TUBB3: variants seen among roughly 807,000 people sequenced by gnomAD.
The protein encoded by TUBB3 is tubulin beta 3 class III, also known as tubulin beta-3 chain.
TUBB3 carries 17 observed loss-of-function variants against 37.8 expected under a neutral mutation model. That is an observed-to-expected ratio of 0.45 (90% CI 0.31 to 0.67). The LOEUF (loss-of-function observed/expected upper bound fraction) is 0.67, where lower values mean the gene tolerates loss of function less well. Ranked by LOEUF, TUBB3 falls within the 30% of genes least tolerant of loss-of-function variation. The pLI is 0.07. For missense variants in TUBB3, 262 were observed against 657.9 expected, an observed-to-expected ratio of 0.40 and a Z score of 6.58; for synonymous variants, 332 against 278.9, an observed-to-expected ratio of 1.19 and a Z score of -1.90.
chr16:89,934,129 C>T (rs186542844), intron 3 of TUBB3: 20 of 318,244 alleles, frequency 6.3e-5, no homozygotes, highest in African/African-American at 6.1e-4. Context: ...CGTTCCCACG[C>T]CTGTGTCCTG....
At chr16:89,929,473 G>C (rs2030205437) in intron 1 of TUBB3, among the ~76,000 whole-genome samples, 1 of 152,156 alleles carries the variant, frequency 6.6e-6, no homozygotes, top group African/African-American at 2.4e-5. Flanking sequence ...CCATGTCCAT[G>C]CTGTCCGCGT....
intron 1 of TUBB3, among the ~76,000 whole-genome samples, chr16:89,923,857 G>A (rs1304776921): frequency 6.6e-6 from 1 of 152,110 alleles, no homozygotes; most frequent in African/African-American, 2.4e-5. Context: ...TGGGTGGGGT[G>A]GGGGGTTCTC....
At chr16:89,927,134 G>C (rs2030114751) in intron 1 of TUBB3, among the ~76,000 whole-genome samples, 1 of 152,052 alleles carries the variant, frequency 6.6e-6, no homozygotes, top group African/African-American at 2.4e-5. Flanking sequence ...CAGCACTTTG[G>C]GAGGCCGAGG....
chr16:89,924,549 T>A (rs1403676282), intron 1 of TUBB3, among the ~76,000 whole-genome samples: 1 of 150,666 alleles, frequency 6.6e-6, no homozygotes, highest in African/African-American at 2.4e-5. Flanking sequence ...AAGGAGGGGG[T>A]GCAGGAGACG....
intron 1 of TUBB3, among the ~76,000 whole-genome samples, chr16:89,925,044 T>C: frequency 6.6e-6 from 1 of 152,036 alleles, no homozygotes; most frequent in East Asian, 1.9e-4. Flanking sequence ...GGGTTTCTCC[T>C]TCTATGGCTG....
chr16:89,924,610 A>G (rs1229570506), intron 1 of TUBB3, among the ~76,000 whole-genome samples: 7 of 152,036 alleles, frequency 4.6e-5, no homozygotes, highest in African/African-American at 1.4e-4. Context: ...GGCTGTTGCC[A>G]TGGAAACCAG....
intron 3 of TUBB3, chr16:89,934,202 G>C: frequency 2.8e-6 from 1 of 362,926 alleles, no homozygotes; most frequent in Non-Finnish European, 5.4e-6. Context: ...TGGATGCCAC[G>C]TTCCCATGCC....
chr16:89,935,842 G>C lies in TUBB3; in HGVS notation c.*38G>C, dbSNP rs1209779089. 5.7e-6 allele frequency: 9 copies of C among 1,591,160 alleles called. No individual in the cohort carries two copies. Among genetic ancestry groups the C allele is most frequent in the Non-Finnish European group, 6.8e-6 (8 of 1,168,260 alleles). On this transcript the variant is annotated 3_prime_UTR_variant, in exon 4 of 4. Transcript: ENST00000315491. ...CTGGAGTGAGAGGCAGGTGGCGGCC[G>C]GGGCCGAAGCCAGCAGTGTCTAAAC...
At chr16:89,923,890 C>T (rs1331375834) in intron 1 of TUBB3, among the ~76,000 whole-genome samples, 1 of 152,130 alleles carries the variant, frequency 6.6e-6, no homozygotes, top group Admixed American at 6.5e-5. Context: ...ATTTCCTCGG[C>T]CCGAACCCCC....
At chr16:89,925,314 C>T (rs891636249) in intron 1 of TUBB3, among the ~76,000 whole-genome samples, 5 of 151,840 alleles carry the variant, frequency 3.3e-5, no homozygotes, top group East Asian at 1.9e-4. Flanking sequence ...TGGCCGGGCA[C>T]GGTGGATGAG....
rs1340728450 is a variant in TUBB3, at chr16:89,932,687, C to T, written c.166+8C>T. ...ACTACAACGAGGCCTCTTGTGAGTG[C>T]CTGCCCCAGCCTCCCTATCCCAGCC... On this transcript the variant is annotated splice_region_variant and intron_variant, in intron 2 of 3. Coordinates refer to ENST00000315491, the MANE Select transcript of TUBB3 (RefSeq NM_006086.4). 15 of 1,607,638 alleles carry T rather than the reference C, an allele frequency of 9.3e-6. No individual in the cohort carries two copies. Among genetic ancestry groups the T allele is most frequent in the South Asian group, 3.3e-5 (3 of 90,844 alleles).
At chr16:89,933,330 G>T (rs2030338003) in intron 2 of TUBB3, 138 bp from the exon 3 acceptor site, 4 of 821,896 alleles carry the variant, frequency 4.9e-6, no homozygotes, top group Admixed American at 1.7e-5. Flanking sequence ...CTTGCCTTTG[G>T]TCCAGGACTC....
At chr16:89,927,772 G>A (rs2030138213) in intron 1 of TUBB3, among the ~76,000 whole-genome samples, 1 of 152,244 alleles carries the variant, frequency 6.6e-6, no homozygotes, top group African/African-American at 2.4e-5. Flanking sequence ...GCCCACAGCT[G>A]TGCTCGTGCT....
chr16:89,932,766 A>T lies in TUBB3; in HGVS notation c.166+87A>T, dbSNP rs2030323124. ...TGACCAGGTCTCAGCACCTGGACTC[A>T]CCAGCTCTCAGCATCTCTGTCCTCC... On this transcript the variant is annotated intron_variant, in intron 2 of 3. Transcript: ENST00000315491. 5.6e-6 allele frequency: 6 copies of T among 1,077,162 alleles called. No homozygotes were observed. In the Admixed American group the frequency reaches 9.8e-5, roughly 18 times the overall value. 66.7% of individuals were successfully genotyped at this position (1,077,162 alleles called of 1,614,324 possible). A position where few individuals can be genotyped will look rare whatever the true frequency, so the allele number is the denominator to read the frequency against.
intron 1 of TUBB3, among the ~76,000 whole-genome samples, chr16:89,924,709 G>A (rs1338486746): frequency 6.6e-6 from 1 of 152,122 alleles, no homozygotes; most frequent in Non-Finnish European, 1.5e-5. Flanking sequence ...CGCCTCTGAG[G>A]GTGGGAGGCC....
chr16:89,933,255 G>A, intron 2 of TUBB3: 1 of 699,908 alleles, frequency 1.4e-6, no homozygotes, highest in Non-Finnish European at 2.6e-6. Context: ...TGCCTGTCCT[G>A]CTCCGTCCTG....
At chr16:89,927,150 G>A (rs2030115594) in intron 1 of TUBB3, among the ~76,000 whole-genome samples, 1 of 152,038 alleles carries the variant, frequency 6.6e-6, no homozygotes, top group African/African-American at 2.4e-5. Flanking sequence ...CGAGGTGGGT[G>A]GATCACCTGA....
intron 2 of TUBB3, chr16:89,933,036 A>G (rs966433249): frequency 4.2e-6 from 2 of 470,790 alleles, no homozygotes; most frequent in Admixed American, 3.1e-5. Flanking sequence ...ACTGGTGTGA[A>G]GTGATTTCCA....
chr16:89,935,779 A>G lies in TUBB3; in HGVS notation c.1328A>G (p.Glu443Gly). The G allele has an allele frequency of 6.2e-7, 1 of 1,613,636 alleles. No individual in the cohort carries two copies. Among genetic ancestry groups the G allele is most frequent in the Non-Finnish European group, 8.5e-7 (1 of 1,179,844 alleles). ...EGEMYEDDEE[E>G]SEAQGPK ...GAGATGTACGAAGACGACGAGGAGG[A>G]GTCGGAGGCCCAGGGCCCCAAGTGA... The change falls in exon 4 of 4, where the codon GAG becomes GGG. Residue 443 changes from glutamate (E) to glycine (G), a missense_variant. Physicochemically the swap from Glu to Gly is moderately conservative, Grantham distance 98. Transcript: ENST00000315491.
Sources: allele counts gnomAD v4.1 joint callset (sites outside exome capture counted in the v4.1 genomes callset), GRCh38; gene constraint gnomAD v4.1.1; transcripts MANE v1.5; gene names NCBI Gene and HGNC (gene_info 2026-07-23, HGNC 2026-07-21).